Variants in KCNQ3 observed in about 807,000 individuals in gnomAD.
The protein encoded by KCNQ3 is potassium voltage-gated channel subfamily KQT member 3.
KCNQ3 carries 30 observed loss-of-function variants against 92.5 expected under a neutral mutation model. The observed-to-expected ratio is 0.32, with a 90% CI of 0.24 to 0.44. The LOEUF (loss-of-function observed/expected upper bound fraction) is 0.44, where lower values mean the gene tolerates loss of function less well. Among genes scored for constraint, KCNQ3 ranks in the 20% least tolerant of loss-of-function variants. The pLI, the probability that KCNQ3 is intolerant of heterozygous loss-of-function variation, is 1.00. For synonymous variants in KCNQ3, 450 were observed against 468.8 expected (o/e 0.96, Z 0.52); for missense variants, 913 against 1,140.3 (o/e 0.80, Z 2.87).
At chr8:132,372,751 C>A (rs1233556639) in intron 1 of KCNQ3, among the ~76,000 whole-genome samples, 2 of 110,436 alleles carry the variant, frequency 1.8e-5, no homozygotes, top group African/African-American at 4.4e-5. Context: ...CAGAGTGAGA[C>A]TTTGTCTCAA....
At chr8:132,184,818 C>G (rs558241341) in intron 2 of KCNQ3, among the ~76,000 whole-genome samples, 3 of 152,278 alleles carry the variant, frequency 2.0e-5, no homozygotes, top group South Asian at 4.2e-4. Flanking sequence ...GGCTCCTGGG[C>G]CAGGCAGCCC....
chr8:132,453,588 G>A (rs1821873074), intron 1 of KCNQ3, among the ~76,000 whole-genome samples: 1 of 152,162 alleles, frequency 6.6e-6, no homozygotes, highest in Non-Finnish European at 1.5e-5. Context: ...CAGGCTCAGA[G>A]GCCAGCTGGC....
intron 1 of KCNQ3, among the ~76,000 whole-genome samples, chr8:132,354,901 G>GA (rs946497551): frequency 1.2e-4 from 19 of 152,270 alleles, no homozygotes; most frequent in African/African-American, 4.6e-4. Flanking sequence ...TGGTTCTGGG[G>GA]ATGGGTTTGA....
At chr8:132,210,038 C>T (rs1472061383) in intron 1 of KCNQ3, among the ~76,000 whole-genome samples, 1 of 152,144 alleles carries the variant, frequency 6.6e-6, no homozygotes, top group Non-Finnish European at 1.5e-5. Context: ...ACTTAGACTT[C>T]CTGGGCATCA....
intron 1 of KCNQ3, among the ~76,000 whole-genome samples, chr8:132,303,266 T>C (rs1385007615): frequency 6.6e-6 from 1 of 152,024 alleles, no homozygotes; most frequent in African/African-American, 2.4e-5. Flanking sequence ...TTGCAAATCT[T>C]TTTCTTTGTA....
In KCNQ3 at chr8:132,164,388, C is replaced by T. The variant is rs576837998; in HGVS notation, c.1236-894G>A. On this transcript the variant is annotated intron_variant, in intron 8 of 14. Transcript: ENST00000388996. ...AATATGAGCACTCTGGAGCCCAGCA[C>T]GTGAGAGTGCTCACTAAATGTTGAA... Among the ~76,000 whole-genome samples the T allele has an allele frequency of 6.0e-4, 89 of 149,350 alleles. 2 individuals carry two copies. The highest frequency in any genetic ancestry group is 4.0e-4 in the Admixed American group (6 of 15,164).
At chr8:132,297,071 T>C (rs1233771920) in intron 1 of KCNQ3, among the ~76,000 whole-genome samples, 1 of 152,188 alleles carries the variant, frequency 6.6e-6, no homozygotes. Flanking sequence ...GACTTTTTAA[T>C]GATCACCATT....
At chr8:132,361,214 G>A (rs1819159400) in intron 1 of KCNQ3, among the ~76,000 whole-genome samples, 1 of 152,112 alleles carries the variant, frequency 6.6e-6, no homozygotes, top group African/African-American at 2.4e-5. Context: ...TAGCCTCTCT[G>A]AAGCCAAGTA....
At chr8:132,200,972 G>A (rs985499136) in intron 1 of KCNQ3, among the ~76,000 whole-genome samples, 31 of 152,162 alleles carry the variant, frequency 2.0e-4, no homozygotes, top group Admixed American at 1.3e-3. Context: ...CATGAGTGTG[G>A]TGTGAGCATT....
At chr8:132,421,011 G>A (rs1196291465) in intron 1 of KCNQ3, among the ~76,000 whole-genome samples, 3 of 152,184 alleles carry the variant, frequency 2.0e-5, no homozygotes, top group Non-Finnish European at 2.9e-5. Context: ...AGGTAAACAG[G>A]AAGGCATGAC....
chr8:132,320,126 G>A (rs1010619928), intron 1 of KCNQ3, among the ~76,000 whole-genome samples: 19 of 152,212 alleles, frequency 1.2e-4, no homozygotes, highest in Non-Finnish European at 2.4e-4. Context: ...TTGGGAAACT[G>A]GTATGTGGTT....
intron 1 of KCNQ3, among the ~76,000 whole-genome samples, chr8:132,320,480 A>C (rs1817865523): frequency 6.6e-6 from 1 of 152,112 alleles, no homozygotes; most frequent in Non-Finnish European, 1.5e-5. Flanking sequence ...AGTGTCACCA[A>C]AACCCAGGAC....
chr8:132,141,027 G>T (rs1206952058), intron 10 of KCNQ3, 102 bp downstream of exon 10: 4 of 1,038,114 alleles, frequency 3.9e-6, no homozygotes, highest in African/African-American at 3.1e-5. Flanking sequence ...TTACCTTGTG[G>T]AGTCAAAGGT....
At chr8:132,425,305 T>G (rs544419340) in intron 1 of KCNQ3, among the ~76,000 whole-genome samples, 4 of 152,350 alleles carry the variant, frequency 2.6e-5, no homozygotes, top group Admixed American at 2.0e-4. Flanking sequence ...CCTTTCATCC[T>G]TACAGACACT....
rs1480514708 is a variant in KCNQ3, at chr8:132,124,284, T to C, written c.*4978A>G. On this transcript the variant is annotated 3_prime_UTR_variant, in exon 15 of 15. Coordinates refer to ENST00000388996, the MANE Select transcript of KCNQ3 (RefSeq NM_004519.4). ...GATTCTTTTTCTGAAAAAAAATTTT[T>C]TTGGTGTAAATTTAGAGTTTATAAG... is the stretch of plus-strand genomic sequence containing the variant. 6.6e-6 allele frequency: 1 copy of C among 152,256 alleles called. No individual in the cohort carries two copies. The highest frequency in any genetic ancestry group is 1.5e-5 in the Non-Finnish European group (1 of 68,046). 9.4% of individuals were successfully genotyped at this position (152,256 alleles called of 1,614,324 possible).
intron 1 of KCNQ3, chr8:132,186,519 C>T: frequency 5.4e-6 from 2 of 370,288 alleles, no homozygotes; most frequent in South Asian, 2.2e-5. Flanking sequence ...CAACTTTTCA[C>T]AAGTCATTAA....
chr8:132,392,216 T>A (rs1820066278), intron 1 of KCNQ3, among the ~76,000 whole-genome samples: 1 of 152,200 alleles, frequency 6.6e-6, no homozygotes, highest in African/African-American at 2.4e-5. Context: ...TCAATTTTAT[T>A]GACTTTTCTC....
At chr8:132,431,622 G>A (rs1821254124) in intron 1 of KCNQ3, among the ~76,000 whole-genome samples, 1 of 143,878 alleles carries the variant, frequency 7.0e-6, no homozygotes, top group South Asian at 2.2e-4. Flanking sequence ...TGTATGGGTT[G>A]AACTGTGGTT....
In KCNQ3 at chr8:132,443,538, G is replaced by A. The variant is rs181174641; in HGVS notation, c.386+36609C>T. 2.6e-5 allele frequency among the ~76,000 whole-genome samples: 4 copies of A among 151,808 alleles called. No individual in the cohort carries two copies. The East Asian group carries it at 7.8e-4, about 30-fold the overall frequency. Reference sequence around the variant, plus strand: ...AAAGATACATGGAGAAAAGGGCTTTGTTAAAAATCCATCATCCCCCACTAC... The same window carrying A: ...AAAGATACATGGAGAAAAGGGCTTTATTAAAAATCCATCATCCCCCACTAC... On this transcript the variant is annotated intron_variant, in intron 1 of 14. Transcript: ENST00000388996.
Sources: gnomAD v4.1 joint callset for allele counts (sites outside exome capture counted in the v4.1 genomes callset) on GRCh38, gnomAD v4.1.1 for gene constraint, MANE v1.5 for transcripts, NCBI Gene and HGNC (gene_info 2026-07-23, HGNC 2026-07-21) for gene names.